The following PCDHGA9 variants were observed in gnomAD, a reference collection of about 807,000 sequenced individuals.
The protein encoded by PCDHGA9 is protocadherin gamma subfamily A, 9, also known as protocadherin gamma-A9.
Under a neutral mutation model 62.5 loss-of-function variants are expected in PCDHGA9, and 37 were observed. The ratio of observed to expected loss-of-function variants is 0.59; its 90% confidence interval spans 0.46 to 0.78. The LOEUF (loss-of-function observed/expected upper bound fraction) is 0.78, where lower values mean the gene tolerates loss of function less well. Among genes scored for constraint, PCDHGA9 ranks in the 30% least tolerant of loss-of-function variants. PCDHGA9 has a pLI of 0.00. For missense variants in PCDHGA9, 1,138 were observed against 1,166.2 expected (o/e 0.98, Z 0.35); for synonymous variants, 459 against 484.6 (o/e 0.95, Z 0.69).
intron 1 of PCDHGA9, among the ~76,000 whole-genome samples, chr5:141,451,493 T>C (rs1554137340): frequency 2.0e-5 from 3 of 152,230 alleles, no homozygotes; most frequent in Admixed American, 2.0e-4. Context: ...TGGACCTCCA[T>C]AGGGCAACCA....
intron 1 of PCDHGA9, among the ~76,000 whole-genome samples, chr5:141,462,192 T>C (rs1323806836): frequency 6.6e-6 from 1 of 152,198 alleles, no homozygotes; most frequent in Non-Finnish European, 1.5e-5. Context: ...ACTCCTGACC[T>C]CAGGTGATCC....
At position 141,486,634 on chromosome 5, in the gene PCDHGA9, T is replaced by C; in HGVS notation, c.2425-8173T>C. 1 of 1,613,762 alleles carries C rather than the reference T, an allele frequency of 6.2e-7. No individual in the cohort carries two copies. The highest frequency in any genetic ancestry group is 8.5e-7 in the Non-Finnish European group (1 of 1,180,044). ...CCTCTGACCCAGACTCTGGCTTGAA[T>C]GCGCTTATCTCCTACTCACTCCTGG... On this transcript the variant is annotated intron_variant, in intron 1 of 3. Coordinates refer to ENST00000573521, the MANE Select transcript of PCDHGA9 (RefSeq NM_018921.3). The surrounding 1 kb of genome is among the most constrained non-coding windows in gnomAD (Gnocchi z 5.0).
chr5:141,414,280 G>C, intron 1 of PCDHGA9: 5 of 1,613,604 alleles, frequency 3.1e-6, no homozygotes, highest in Non-Finnish European at 4.2e-6. Context: ...TCTGGGAACA[G>C]TCGTAGCCCT....
intron 1 of PCDHGA9, among the ~76,000 whole-genome samples, chr5:141,458,412 G>A (rs2098945236): frequency 6.6e-6 from 1 of 152,034 alleles, no homozygotes; most frequent in Non-Finnish European, 1.5e-5. Context: ...ACGGAGCGGG[G>A]GTTCCAAAGC....
chr5:141,474,135 G>C (rs1032470573), intron 1 of PCDHGA9, among the ~76,000 whole-genome samples: 2 of 152,062 alleles, frequency 1.3e-5, no homozygotes, highest in Admixed American at 1.3e-4. Context: ...GAAAACTACA[G>C]GCCTTATTAT....
At chr5:141,502,001 C>T (rs2099812274) in intron 2 of PCDHGA9, among the ~76,000 whole-genome samples, 2 of 152,106 alleles carry the variant, frequency 1.3e-5, no homozygotes, top group Admixed American at 1.3e-4. Flanking sequence ...CCCTGACAAC[C>T]CGCATGCTCT....
intron 1 of PCDHGA9, chr5:141,414,763 C>A: frequency 6.2e-7 from 1 of 1,614,258 alleles, no homozygotes; most frequent in Non-Finnish European, 8.5e-7. Flanking sequence ...TGAGCAGTTT[C>A]ATGAGCTACA....
intron 1 of PCDHGA9, chr5:141,428,419 C>G: frequency 4.4e-6 from 2 of 451,920 alleles, no homozygotes; most frequent in Non-Finnish European, 4.1e-6. Flanking sequence ...TCACCCTGGT[C>G]TCTGTTCTAA....
intron 1 of PCDHGA9, chr5:141,418,005 A>G: frequency 6.2e-7 from 1 of 1,613,764 alleles, no homozygotes. Flanking sequence ...GTGGTGGGGA[A>G]CCTCGCTAAG....
At chr5:141,418,403 G>T in intron 1 of PCDHGA9, 1 of 1,614,000 alleles carries the variant, frequency 6.2e-7, no homozygotes. Context: ...CTCATTGGTG[G>T]AGAAAGACAA....
At chr5:141,418,149 AAG>A (rs768024698) in intron 1 of PCDHGA9, 1 of 1,613,982 alleles carries the variant, frequency 6.2e-7, no homozygotes, top group Non-Finnish European at 8.5e-7. Flanking sequence ...CAAATATGCA[AAG>A]AGAGAAGAAG....
chr5:141,421,365 G>A (rs1189449968), intron 1 of PCDHGA9: 2 of 1,614,026 alleles, frequency 1.2e-6, no homozygotes, highest in South Asian at 1.1e-5. Flanking sequence ...GCTCCTTCGT[G>A]GGCAATATCT....
intron 1 of PCDHGA9, chr5:141,415,740 G>GTTTTTTGTTT (rs2095911797): frequency 3.9e-6 from 2 of 515,998 alleles, no homozygotes; most frequent in African/African-American, 2.8e-5. Context: ...GTTTATTAAG[G>GTTTTTTGTTT]TTTTTTTTTT....
At chr5:141,494,638 A>G (rs2099755799) in intron 1 of PCDHGA9, 169 bp from the exon 2 acceptor site, 1 of 896,388 alleles carries the variant, frequency 1.1e-6, no homozygotes, top group African/African-American at 1.8e-5. Context: ...GACCTCTGAG[A>G]CCTGAGGTGT....
rs568927137 is a variant in PCDHGA9, at chr5:141,410,186, CT to C, written c.2424+4811del. On this transcript the variant is annotated intron_variant, in intron 1 of 3. Coordinates refer to ENST00000573521, the MANE Select transcript of PCDHGA9 (RefSeq NM_018921.3). ...ACTCTCTGCCACCGCCACGCTTCAT[CT>C]GGTCTTCGCAGACAACTTGCAAGAG... 1.6e-5 allele frequency: 26 copies of C among 1,613,940 alleles called. 1 individual carries two copies. In the South Asian group the frequency reaches 2.6e-4, roughly 16 times the overall value.
chr5:141,487,314 A>G lies in PCDHGA9; in HGVS notation c.2425-7493A>G. ...GGCTCATTCGTGGCACTACTCTCTAAGTGTCTTCGTGGGGCAGCCTGTGGA... is the reference window on the plus strand; with the variant it reads ...GGCTCATTCGTGGCACTACTCTCTAGGTGTCTTCGTGGGGCAGCCTGTGGA... On this transcript the variant is annotated intron_variant, in intron 1 of 3. Transcript: ENST00000573521. The surrounding 1 kb of genome is among the most constrained non-coding windows in gnomAD (Gnocchi z 5.0). The G allele has an allele frequency of 6.2e-7, 1 of 1,614,002 alleles. No individual in the cohort carries two copies. Among genetic ancestry groups the G allele is most frequent in the African/African-American group, 1.3e-5 (1 of 74,994 alleles).
intron 1 of PCDHGA9, among the ~76,000 whole-genome samples, chr5:141,446,322 C>A (rs1561922470): frequency 2.0e-5 from 3 of 151,968 alleles, no homozygotes; most frequent in South Asian, 4.1e-4. Flanking sequence ...TGGGTTTCCA[C>A]ATTAAGGAAC....
rs1165828230 is a variant in PCDHGA9, at chr5:141,511,464, C to T, written c.*291C>T. On this transcript the variant is annotated 3_prime_UTR_variant, in exon 4 of 4. Coordinates refer to ENST00000573521, the MANE Select transcript of PCDHGA9 (RefSeq NM_018921.3). ...ACACCAAGAACCATTTGCCACACCCCGTTTAGTTACAGCTGAACTCCTCCA... is the reference window on the plus strand; with the variant it reads ...ACACCAAGAACCATTTGCCACACCCTGTTTAGTTACAGCTGAACTCCTCCA... 9 of 538,254 alleles carry T rather than the reference C, an allele frequency of 1.7e-5. No individual in the cohort carries two copies. The highest frequency in any genetic ancestry group is 7.8e-5 in the East Asian group (2 of 25,720). 33.3% of individuals were successfully genotyped at this position (538,254 alleles called of 1,614,324 possible).
At chr5:141,418,895 GAA>G (rs746676640) in intron 1 of PCDHGA9, 1 of 1,613,998 alleles carries the variant, frequency 6.2e-7, no homozygotes, top group Admixed American at 1.7e-5. Flanking sequence ...CAACAGCCCA[GAA>G]ATAATCATCA....
Sources: gnomAD v4.1 joint callset for allele counts (sites outside exome capture counted in the v4.1 genomes callset) on GRCh38, gnomAD v4.1.1 for gene constraint, Gnocchi (gnomAD v3.1) non-coding constraint, MANE v1.5 for transcripts, NCBI Gene and HGNC (gene_info 2026-07-23, HGNC 2026-07-21) for gene names.